IFT74: variants seen among roughly 807,000 people sequenced by gnomAD.
IFT74 encodes the protein intraflagellar transport protein 74 homolog.
A neutral mutation model predicts 96.7 loss-of-function variants in IFT74; 92 were observed. The ratio of observed to expected loss-of-function variants is 0.95; its 90% confidence interval spans 0.80 to 1.13. The LOEUF (loss-of-function observed/expected upper bound fraction) is 1.13. Among genes scored for constraint, IFT74 ranks in the 50% most tolerant of loss-of-function variants. The pLI, the probability that IFT74 is intolerant of heterozygous loss-of-function variation, is 0.00. For synonymous variants in IFT74, 223 were observed against 213.2 expected, an observed-to-expected ratio of 1.05 and a Z score of -0.40; for missense variants, 811 against 698.2, an observed-to-expected ratio of 1.16 and a Z score of -1.82.
chr9:27,022,384 A>G (rs1032004448), intron 12 of IFT74, among the ~76,000 whole-genome samples: 4 of 151,956 alleles, frequency 2.6e-5, no homozygotes, highest in African/African-American at 9.7e-5. Flanking sequence ...TGATGGTGAA[A>G]TGGGAATTGC....
At chr9:26,968,848 A>G (rs1182566575) in intron 2 of IFT74, among the ~76,000 whole-genome samples, 2 of 150,250 alleles carry the variant, frequency 1.3e-5, no homozygotes, top group Non-Finnish European at 3.0e-5. Flanking sequence ...GATTTTGTTT[A>G]TCTTTTCAAA....
chr9:27,051,787 G>A lies in IFT74; in HGVS notation c.1333+3513G>A, dbSNP rs1422785918. On this transcript the variant is annotated intron_variant, in intron 16 of 19. Transcript: ENST00000380062. Reference sequence around the variant, plus strand: ...TTAAGGTTGAAACATTCTATTGCATGTATATATCATATTTTAAAGTCTATC... The same window carrying A: ...TTAAGGTTGAAACATTCTATTGCATATATATATCATATTTTAAAGTCTATC... Among the ~76,000 whole-genome samples the A allele has an allele frequency of 2.6e-5, 4 of 152,154 alleles. No individual in the cohort carries two copies. In the East Asian group the frequency reaches 7.7e-4, roughly 29 times the overall value.
intron 13 of IFT74, among the ~76,000 whole-genome samples, chr9:27,029,608 C>T (rs571695853): frequency 1.3e-5 from 2 of 151,940 alleles, no homozygotes; most frequent in East Asian, 1.9e-4. Context: ...ATTAGCCGGG[C>T]GTGGTGGCAC....
intron 8 of IFT74, chr9:27,005,533 CT>C (rs965386499): frequency 1.3e-5 from 2 of 151,134 alleles, no homozygotes; most frequent in Non-Finnish European, 2.9e-5. Context: ...ACTTAACAAA[CT>C]TAAATATGAT....
intron 1 of IFT74, among the ~76,000 whole-genome samples, chr9:26,958,207 A>G (rs1444870343): frequency 1.3e-5 from 2 of 152,240 alleles, no homozygotes; most frequent in African/African-American, 4.8e-5. Flanking sequence ...AGCTCTTGCC[A>G]TAAAGGGTGA....
At chr9:27,013,614 A>G (rs1341717899) in intron 10 of IFT74, among the ~76,000 whole-genome samples, 1 of 152,266 alleles carries the variant, frequency 6.6e-6, no homozygotes, top group Admixed American at 6.5e-5. Context: ...GGTAAAAATT[A>G]CTACCTTATT....
chr9:27,010,693 G>A (rs963536596), intron 9 of IFT74, among the ~76,000 whole-genome samples: 1 of 149,028 alleles, frequency 6.7e-6, no homozygotes, highest in Non-Finnish European at 1.5e-5. Flanking sequence ...GTGTTTCACC[G>A]TGTTAGCCAG....
intron 13 of IFT74, among the ~76,000 whole-genome samples, chr9:27,035,617 C>G (rs1819136298): frequency 6.6e-6 from 1 of 152,174 alleles, no homozygotes; most frequent in Admixed American, 6.5e-5. Context: ...TTTATAACCA[C>G]TACTTTCGAA....
intron 4 of IFT74, chr9:26,982,349 C>T (rs1182093226): frequency 4.5e-6 from 2 of 443,934 alleles, no homozygotes; most frequent in Non-Finnish European, 9.0e-6. Context: ...CTGCAACTTC[C>T]ACCGCCTGGA....
rs1264624901 is a variant in IFT74 at position 27,065,329 on chromosome 9, C to A, written c.*2593C>A. Among the ~76,000 whole-genome samples the A allele has an allele frequency of 6.6e-6, 1 of 152,138 alleles. No homozygotes were observed. Among genetic ancestry groups the A allele is most frequent in the African/African-American group, 2.4e-5 (1 of 41,428 alleles). On this transcript the variant is annotated 3_prime_UTR_variant, in exon 20 of 20. Coordinates refer to ENST00000380062, the MANE Select transcript of IFT74 (RefSeq NM_025103.4). ...GAATATTCTCTTTACTGGGATAGAA[C>A]TGGAGGCTAATAGCTGCATGAACTG...
At position 26,950,677 on chromosome 9, in the gene IFT74, C is replaced by G. The variant is rs1019092452; in HGVS notation, c.-20+3531C>G. Among the ~76,000 whole-genome samples, 3 of 152,188 alleles carry G rather than the reference C, an allele frequency of 2.0e-5. No homozygotes were observed. In the East Asian group the frequency reaches 5.8e-4, roughly 29 times the overall value. On this transcript the variant is annotated intron_variant, in intron 1 of 19. Transcript: ENST00000433700. ...TAATTCTGCAAAGGTAGTTTAAGTG[C>G]CCCTAGATGGAGTTTCACCACTTGT...
chr9:26,963,228 G>A (rs937176852), intron 2 of IFT74, among the ~76,000 whole-genome samples: 6 of 151,560 alleles, frequency 4.0e-5, no homozygotes, highest in Admixed American at 6.6e-5. Flanking sequence ...TTGTTCTTGC[G>A]GTAGTTTACT....
chr9:27,037,112 A>C (rs1485270778), intron 13 of IFT74, among the ~76,000 whole-genome samples: 3 of 150,148 alleles, frequency 2.0e-5, no homozygotes, highest in Non-Finnish European at 4.4e-5. Flanking sequence ...CCCAGCTACT[A>C]GGGAGGCTGA....
intron 12 of IFT74, among the ~76,000 whole-genome samples, chr9:27,020,768 C>T (rs1009943286): frequency 2.0e-4 from 31 of 152,106 alleles, no homozygotes; most frequent in African/African-American, 6.8e-4. Context: ...CCTACCGCGC[C>T]TGGCCTATCT....
rs7865596 is a variant in IFT74 at position 26,988,785 on chromosome 9, G to T, written c.525+57G>T. The T allele has an allele frequency of 1.2e-3, 1,597 of 1,365,318 alleles. 18 individuals are homozygous for T. In the African/African-American group the frequency reaches 0.021, roughly 18 times the overall value. 84.6% of individuals were successfully genotyped at this position (1,365,318 alleles called of 1,614,324 possible). On this transcript the variant is annotated intron_variant, in intron 7 of 19. Transcript: ENST00000380062. The stretch of plus-strand genomic sequence containing the variant: ...TGTAAGTCATATCCTACAAAACAAA[G>T]CATTTATATCTAGAAATAGTTTGAT...
intron 1 of IFT74, among the ~76,000 whole-genome samples, chr9:26,950,332 G>T (rs1300214746): frequency 1.3e-5 from 2 of 148,442 alleles, no homozygotes. Context: ...AAGAAAGAAA[G>T]AAAAGCAAGC....
At chr9:26,977,815 C>A (rs1033883859) in intron 2 of IFT74, among the ~76,000 whole-genome samples, 6 of 152,156 alleles carry the variant, frequency 3.9e-5, no homozygotes, top group Non-Finnish European at 7.3e-5. Context: ...TATACTGCAG[C>A]TTATTTAACC....
intron 18 of IFT74, among the ~76,000 whole-genome samples, chr9:27,057,374 T>G (rs901608759): frequency 6.6e-6 from 1 of 152,166 alleles, no homozygotes; most frequent in African/African-American, 2.4e-5. Flanking sequence ...GTTTACTTTA[T>G]TCCTTGCCCT....
chr9:26,990,282 T>G, intron 8 of IFT74, 87 bp downstream of exon 8: 1 of 640,382 alleles, frequency 1.6e-6, no homozygotes, highest in African/African-American at 1.9e-5. Flanking sequence ...CTTGTAAATT[T>G]TCTTAACAAT....
Sources: allele counts gnomAD v4.1 joint callset (sites outside exome capture counted in the v4.1 genomes callset), GRCh38; gene constraint gnomAD v4.1.1; transcripts MANE v1.5; gene names NCBI Gene and HGNC (gene_info 2026-07-23, HGNC 2026-07-21).